Variants in ATP11C observed in about 807,000 individuals in gnomAD.
ATP11C encodes phospholipid-transporting ATPase IG.
Under a neutral mutation model 97.4 loss-of-function variants are expected in ATP11C, and 36 were observed. That is an observed-to-expected ratio of 0.37 (90% CI 0.28 to 0.49). The LOEUF (loss-of-function observed/expected upper bound fraction) is 0.49. Among genes scored for constraint, ATP11C ranks in the 20% least tolerant of loss-of-function variants. The pLI is 0.98. For synonymous variants in ATP11C, 275 were observed against 290.9 expected (o/e 0.95, Z 0.56); for missense variants, 730 against 824.6 (o/e 0.89, Z 1.40).
At chrX:139,764,249 T>G (rs1055960050) in intron 20 of ATP11C, among the ~76,000 whole-genome samples, 1 of 112,465 alleles carries the variant, frequency 8.9e-6, no homozygotes, top group African/African-American at 3.2e-5. Context: ...TGGTCTGACC[T>G]CTCCTACGAG....
chrX:139,793,088 G>C (rs776808150), intron 12 of ATP11C, among the ~76,000 whole-genome samples: 3 of 111,420 alleles, frequency 2.7e-5, no homozygotes, highest in East Asian at 5.7e-4. Flanking sequence ...TTGAACTAGA[G>C]GACACCCAGT....
intron 2 of ATP11C, among the ~76,000 whole-genome samples, chrX:139,821,470 C>T (rs1256484441): frequency 8.9e-6 from 1 of 112,378 alleles, no homozygotes; most frequent in African/African-American, 3.2e-5. Flanking sequence ...AGGCTAATGG[C>T]TGAGCTTCTG....
intron 1 of ATP11C, among the ~76,000 whole-genome samples, chrX:139,921,588 G>C (rs896492581): frequency 1.8e-5 from 2 of 111,998 alleles, no homozygotes; most frequent in African/African-American, 6.5e-5. Context: ...TGCAATTCAT[G>C]TTCTGGTAAG....
intron 22 of ATP11C, among the ~76,000 whole-genome samples, chrX:139,759,848 C>T (rs12687833): frequency 0.27 from 30,415 of 111,276 alleles, 6,472 homozygotes; most frequent in African/African-American, 0.71. Context: ...GCTTGTTTTG[C>T]TCTCCTTAAC....
intron 1 of ATP11C, among the ~76,000 whole-genome samples, chrX:139,907,007 G>A (rs906712647): frequency 4.5e-5 from 5 of 111,109 alleles, no homozygotes; most frequent in African/African-American, 1.6e-4. Flanking sequence ...ACTTCATTTG[G>A]GGATTTATTC....
At chrX:139,740,763 G>A (rs960307252) in intron 27 of ATP11C, among the ~76,000 whole-genome samples, 5 of 111,093 alleles carry the variant, frequency 4.5e-5, no homozygotes, top group African/African-American at 1.6e-4. Flanking sequence ...GCTACCAAAG[G>A]GAGGTCTTCT....
intron 28 of ATP11C, 153 bp downstream of exon 28, chrX:139,737,763 C>CT: frequency 1.6e-6 from 1 of 636,585 alleles, no homozygotes; most frequent in Middle Eastern, 4.7e-4. Flanking sequence ...TTTTACTATA[C>CT]TTTTTATGCA....
chrX:139,886,665 A>G, intron 1 of ATP11C, among the ~76,000 whole-genome samples: 1 of 110,161 alleles, frequency 9.1e-6, no homozygotes, highest in Non-Finnish European at 1.9e-5. Context: ...ACAAAGTATT[A>G]TAAGATTTGT....
intron 1 of ATP11C, among the ~76,000 whole-genome samples, chrX:139,903,851 C>A (rs1187237006): frequency 9.0e-6 from 1 of 110,708 alleles, no homozygotes; most frequent in Admixed American, 9.7e-5. Context: ...AGGGCAAAGA[C>A]AACCTTCACT....
intron 27 of ATP11C, 26 bp from the exon 28 acceptor site, chrX:139,738,095 G>T: frequency 8.8e-7 from 1 of 1,132,696 alleles, no homozygotes. Context: ...AATACATGAT[G>T]GAAAAACAAA....
At chrX:139,794,454 A>C (rs1316023053) in intron 12 of ATP11C, among the ~76,000 whole-genome samples, 1 of 112,412 alleles carries the variant, frequency 8.9e-6, no homozygotes, top group African/African-American at 3.2e-5. Flanking sequence ...CTATACATGC[A>C]AACTGATAAC....
chrX:139,812,371 G>T (rs2083193423), intron 5 of ATP11C, among the ~76,000 whole-genome samples: 1 of 111,178 alleles, frequency 9.0e-6, no homozygotes, highest in African/African-American at 3.3e-5. Flanking sequence ...GAAAAATGGG[G>T]GCCTTTGTAA....
chrX:139,792,503 T>G (rs897485919), intron 12 of ATP11C, among the ~76,000 whole-genome samples: 1 of 111,002 alleles, frequency 9.0e-6, no homozygotes, highest in East Asian at 2.9e-4. Flanking sequence ...AATTAGCAAC[T>G]GGCATCTGAA....
chrX:139,816,342 T>C (rs1209870585), intron 4 of ATP11C, among the ~76,000 whole-genome samples: 7 of 111,997 alleles, frequency 6.3e-5, no homozygotes, highest in Non-Finnish European at 1.3e-4. Context: ...TCAAACATAC[T>C]AGCATACAAA....
At chrX:139,797,027 C>G in intron 11 of ATP11C, 149 bp downstream of exon 11, 1 of 360,471 alleles carries the variant, frequency 2.8e-6, no homozygotes, top group Non-Finnish European at 4.5e-6. Flanking sequence ...TACAATAAAT[C>G]TTCTTAAATA....
At chrX:139,802,660 T>TA (rs2147790023) in intron 6 of ATP11C, among the ~76,000 whole-genome samples, 1 of 111,814 alleles carries the variant, frequency 8.9e-6, no homozygotes, top group African/African-American at 3.2e-5. Flanking sequence ...AGTTAATACA[T>TA]TTATTTTTTT....
chrX:139,859,180 T>C (rs759350329), intron 1 of ATP11C, among the ~76,000 whole-genome samples: 8 of 111,998 alleles, frequency 7.1e-5, no homozygotes, highest in African/African-American at 2.6e-4. Context: ...GAGAGCAGAA[T>C]AGCGGCAACT....
chrX:139,865,352 T>G (rs1408639365), intron 1 of ATP11C, among the ~76,000 whole-genome samples: 6 of 111,781 alleles, frequency 5.4e-5, no homozygotes, highest in East Asian at 2.8e-4. Context: ...TGGCGTGAGA[T>G]TCTCAAAAAA....
chrX:139,863,782 C>G (rs1475306318), intron 1 of ATP11C, among the ~76,000 whole-genome samples: 1 of 111,451 alleles, frequency 9.0e-6, no homozygotes, highest in Admixed American at 9.5e-5. Flanking sequence ...TATTAGTGGG[C>G]TGGGTGTGGT....
Sources: gnomAD v4.1 joint callset for allele counts (sites outside exome capture counted in the v4.1 genomes callset) on GRCh38, gnomAD v4.1.1 for gene constraint, MANE v1.5 for transcripts, NCBI Gene and HGNC (gene_info 2026-07-23, HGNC 2026-07-21) for gene names.